Variants in AFF1 observed in about 807,000 individuals in gnomAD.
AFF1 encodes the protein ALF transcription elongation factor 1.
In AFF1, 48 loss-of-function variants were observed where a neutral mutation model predicts 121.7. That is an observed-to-expected ratio of 0.39 (90% CI 0.31 to 0.50). The LOEUF (loss-of-function observed/expected upper bound fraction) is 0.50, where lower values mean the gene tolerates loss of function less well. Among genes scored for constraint, AFF1 ranks in the 20% least tolerant of loss-of-function variants. The pLI is 0.76. For synonymous variants in AFF1, 613 were observed against 563.0 expected (o/e 1.09, Z -1.26); for missense variants, 1,523 against 1,511.7 (o/e 1.01, Z -0.12).
chr4:87,097,263 C>G (rs1046719349), intron 8 of AFF1, among the ~76,000 whole-genome samples: 1 of 152,100 alleles, frequency 6.6e-6, no homozygotes, highest in African/African-American at 2.4e-5. Flanking sequence ...GCAATTGCAC[C>G]GAAGTTGGGT....
chr4:87,048,816 A>T (rs954350013), intron 4 of AFF1, among the ~76,000 whole-genome samples: 3 of 152,192 alleles, frequency 2.0e-5, no homozygotes, highest in African/African-American at 7.2e-5. Context: ...AGAAAGAAGG[A>T]GTAAAACCAA....
chr4:87,019,621 G>A (rs954634519), intron 2 of AFF1, among the ~76,000 whole-genome samples: 6 of 152,222 alleles, frequency 3.9e-5, no homozygotes, highest in Admixed American at 3.3e-4. Flanking sequence ...CTGGATAGCT[G>A]AGCATGTGGA....
intron 2 of AFF1, among the ~76,000 whole-genome samples, chr4:86,980,742 A>G (rs1412218953): frequency 6.6e-6 from 1 of 152,204 alleles, no homozygotes; most frequent in Non-Finnish European, 1.5e-5. Context: ...ATTGAAGAGA[A>G]CAGATGGAGG....
At chr4:87,022,604 GTA>G (rs1728092567) in intron 2 of AFF1, among the ~76,000 whole-genome samples, 1 of 97,980 alleles carries the variant, frequency 1.0e-5, no homozygotes, top group Non-Finnish European at 2.1e-5. Flanking sequence ...CTATCTGTGT[GTA>G]TATATATCTG....
intron 2 of AFF1, among the ~76,000 whole-genome samples, chr4:86,986,819 A>G (rs1438104040): frequency 1.3e-5 from 2 of 152,120 alleles, no homozygotes; most frequent in Admixed American, 6.6e-5. Flanking sequence ...AGTAATAAAC[A>G]TTTTAGATAA....
chr4:87,081,209 T>TGGACTA (rs1324594369), intron 4 of AFF1, among the ~76,000 whole-genome samples: 2 of 134,924 alleles, frequency 1.5e-5, no homozygotes, highest in African/African-American at 5.6e-5. Flanking sequence ...TCTCCCAGGC[T>TGGACTA]GGACTACAGT....
intron 2 of AFF1, among the ~76,000 whole-genome samples, chr4:87,002,064 C>T (rs376149492): frequency 9.2e-5 from 14 of 151,408 alleles, no homozygotes; most frequent in African/African-American, 1.7e-4. Flanking sequence ...TGTTAGAATT[C>T]GGAATAAGGC....
At chr4:87,116,630 C>T (rs969517668) in intron 12 of AFF1, among the ~76,000 whole-genome samples, 2 of 152,212 alleles carry the variant, frequency 1.3e-5, no homozygotes, top group African/African-American at 2.4e-5. Context: ...AAATATAACA[C>T]GACTTTACCG....
chr4:87,066,830 T>G (rs1332805109), intron 4 of AFF1, among the ~76,000 whole-genome samples: 1 of 152,214 alleles, frequency 6.6e-6, no homozygotes, highest in East Asian at 1.9e-4. Flanking sequence ...CCCTGGCTCC[T>G]TTCATCCTCA....
At chr4:86,955,136 TATG>T (rs1026483183) in intron 2 of AFF1, among the ~76,000 whole-genome samples, 6 of 152,328 alleles carry the variant, frequency 3.9e-5, no homozygotes, top group African/African-American at 1.4e-4. Flanking sequence ...TATTTTATTT[TATG>T]ATTATTTGTG....
rs761643821 is a variant in AFF1 at position 87,108,221 on chromosome 4, G to C, written c.1439G>C (p.Ser480Thr). The change falls in exon 11 of 21, where the codon AGC becomes ACC. Residue 480 changes from serine to threonine, a missense_variant. Ser to Thr is a moderately conservative substitution (Grantham distance 58). This residue lies in a region of AFF1 where 905 missense variants were observed against 842.5 expected (regional missense o/e 1.07). Transcript: ENST00000395146. ...CATTCCAGCAGTGCAGAGTCAGAAA[G>C]CACCAGTGACTCAGACAGTTCCTCA... ...SAHSSSAESE[S>T]TSDSDSSSDS... 1 of 1,614,118 alleles carries C rather than the reference G, an allele frequency of 6.2e-7. No individual in the cohort carries two copies. The highest frequency in any genetic ancestry group is 1.1e-5 in the South Asian group (1 of 91,086).
intron 11 of AFF1, among the ~76,000 whole-genome samples, chr4:87,108,727 A>C (rs1726176980): frequency 6.6e-6 from 1 of 152,216 alleles, no homozygotes; most frequent in African/African-American, 2.4e-5. Context: ...GCAAAAGGAG[A>C]CTGCCTGATT....
chr4:86,955,689 A>G (rs910181198), intron 2 of AFF1, among the ~76,000 whole-genome samples: 2 of 152,336 alleles, frequency 1.3e-5, no homozygotes, highest in South Asian at 2.1e-4. Context: ...AGTAAATGTC[A>G]TTTCAGGCTA....
At chr4:87,099,324 G>A (rs1725186225) in intron 8 of AFF1, among the ~76,000 whole-genome samples, 1 of 152,182 alleles carries the variant, frequency 6.6e-6, no homozygotes, top group Non-Finnish European at 1.5e-5. Context: ...ATTTGTGCTG[G>A]TTATTTGTAC....
At chr4:87,108,012 GC>G (rs1427081325) in intron 10 of AFF1, 146 bp from the exon 11 acceptor site, 3 of 727,510 alleles carry the variant, frequency 4.1e-6, no homozygotes, top group Non-Finnish European at 6.2e-6. Flanking sequence ...ACTACTTTGG[GC>G]CTCTCTCAGT....
At chr4:87,035,695 A>G (rs1282587052) in intron 2 of AFF1, among the ~76,000 whole-genome samples, 2 of 152,210 alleles carry the variant, frequency 1.3e-5, no homozygotes, top group Non-Finnish European at 2.9e-5. Flanking sequence ...GTGGAGATGG[A>G]CAACCCAGAA....
At chr4:87,130,746 G>C (rs959661602) in intron 16 of AFF1, among the ~76,000 whole-genome samples, 4 of 152,172 alleles carry the variant, frequency 2.6e-5, no homozygotes, top group Non-Finnish European at 5.9e-5. Flanking sequence ...GGAATAATCT[G>C]TTTCTCAAGG....
At position 87,136,487 on chromosome 4, in the gene AFF1, C is replaced by G. The variant is rs554801102; in HGVS notation, c.*786C>G. 4.3e-6 allele frequency: 1 copy of G among 232,356 alleles called. No individual in the cohort carries two copies. Among genetic ancestry groups the G allele is most frequent in the Non-Finnish European group, 8.5e-6 (1 of 117,666 alleles). 14.4% of individuals were successfully genotyped at this position (232,356 alleles called of 1,614,324 possible). On this transcript the variant is annotated 3_prime_UTR_variant, in exon 21 of 21. Coordinates refer to ENST00000395146, the MANE Select transcript of AFF1 (RefSeq NM_001166693.3). ...TCGAGGTCTGCACAGGAGGACTTGGCGCTGCCATTTCCTACCCCTGCCATT... is the reference window on the plus strand; with the variant it reads ...TCGAGGTCTGCACAGGAGGACTTGGGGCTGCCATTTCCTACCCCTGCCATT...
chr4:87,037,624 G>T (rs1285573294), intron 2 of AFF1, among the ~76,000 whole-genome samples: 2 of 152,004 alleles, frequency 1.3e-5, no homozygotes, highest in African/African-American at 4.8e-5. Flanking sequence ...TGCTTGGTAG[G>T]TTTTTGTGAA....
Sources: allele counts gnomAD v4.1 joint callset (sites outside exome capture counted in the v4.1 genomes callset), GRCh38; gene constraint gnomAD v4.1.1; regional missense constraint gnomAD v4.1.1; transcripts MANE v1.5; gene names NCBI Gene and HGNC (gene_info 2026-07-23, HGNC 2026-07-21).